TSHR: variants seen among roughly 807,000 people sequenced by gnomAD.
TSHR encodes thyrotropin receptor.
TSHR carries 51 observed loss-of-function variants against 64.1 expected under a neutral mutation model. The observed-to-expected ratio is 0.80, with a 90% CI of 0.64 to 1.01. The LOEUF is 1.01. Among genes scored for constraint, TSHR ranks in the 50% least tolerant of loss-of-function variants. The pLI, the probability that TSHR is intolerant of heterozygous loss-of-function variation, is 0.00. For synonymous variants in TSHR, 361 were observed against 361.9 expected, an observed-to-expected ratio of 1.00 and a Z score of 0.03; for missense variants, 877 against 942.8, an observed-to-expected ratio of 0.93 and a Z score of 0.91.
intron 1 of TSHR, among the ~76,000 whole-genome samples, chr14:80,965,095 A>G (rs1887231950): frequency 6.6e-6 from 1 of 152,202 alleles, no homozygotes; most frequent in Non-Finnish European, 1.5e-5. Context: ...CTTTGTATTT[A>G]TTGGGTAGCA....
At chr14:81,084,742 A>G (rs1356005302) in intron 3 of TSHR, among the ~76,000 whole-genome samples, 1 of 152,232 alleles carries the variant, frequency 6.6e-6, no homozygotes, top group East Asian at 1.9e-4. Flanking sequence ...TTCTGGCAGC[A>G]TAGCTAGCCT....
At chr14:81,053,569 G>T (rs1444876941) in intron 1 of TSHR, 3 of 152,186 alleles carry the variant, frequency 2.0e-5, no homozygotes, top group African/African-American at 7.2e-5. Flanking sequence ...ATAACACCAG[G>T]TGTTGGTGAG....
At chr14:81,064,010 G>C (rs1422998132) in intron 2 of TSHR, among the ~76,000 whole-genome samples, 1 of 152,086 alleles carries the variant, frequency 6.6e-6, no homozygotes, top group Non-Finnish European at 1.5e-5. Flanking sequence ...ATAAAACTTA[G>C]GTCTAAGTTA....
chr14:81,090,199 C>G, intron 4 of TSHR, among the ~76,000 whole-genome samples: 1 of 152,190 alleles, frequency 6.6e-6, no homozygotes, highest in East Asian at 1.9e-4. Context: ...ATGATATAAA[C>G]TACAGAAGGT....
intron 1 of TSHR, among the ~76,000 whole-genome samples, chr14:80,979,621 CATACCGT>C (rs927771061): frequency 5.9e-5 from 9 of 152,146 alleles, no homozygotes; most frequent in Non-Finnish European, 8.8e-5. Flanking sequence ...ATCAAAACAG[CATACCGT>C]ATTCCAAAAA....
intron 1 of TSHR, among the ~76,000 whole-genome samples, chr14:81,030,295 C>A (rs1030756405): frequency 1.6e-4 from 25 of 152,012 alleles, no homozygotes; most frequent in African/African-American, 6.0e-4. Context: ...TGTCTCTTGG[C>A]GAAAAGACCA....
chr14:81,134,760 A>G (rs547634012), intron 8 of TSHR, among the ~76,000 whole-genome samples: 1 of 152,328 alleles, frequency 6.6e-6, no homozygotes, highest in East Asian at 1.9e-4. Flanking sequence ...CAGAGACAAA[A>G]CAGATAAAAT....
intron 1 of TSHR, among the ~76,000 whole-genome samples, chr14:81,045,112 T>C (rs912560225): frequency 2.0e-5 from 3 of 151,838 alleles, no homozygotes; most frequent in East Asian, 1.9e-4. Flanking sequence ...ATGGATGGAG[T>C]TGGAAGATAC....
intron 1 of TSHR, among the ~76,000 whole-genome samples, chr14:81,039,261 CA>C (rs879259058): frequency 6.6e-6 from 1 of 151,510 alleles, no homozygotes; most frequent in South Asian, 2.1e-4. Context: ...AAAACTGATG[CA>C]AAAAAAGCAT....
At chr14:81,076,933 C>T (rs1011622095) in intron 3 of TSHR, among the ~76,000 whole-genome samples, 10 of 152,192 alleles carry the variant, frequency 6.6e-5, no homozygotes, top group African/African-American at 2.4e-4. Flanking sequence ...TGCTTCACTC[C>T]TGCACACCTG....
intron 1 of TSHR, among the ~76,000 whole-genome samples, chr14:81,029,664 C>A (rs1317252108): frequency 6.6e-6 from 1 of 151,982 alleles, no homozygotes; most frequent in Non-Finnish European, 1.5e-5. Context: ...TGAGTGTGTG[C>A]CATTCTGGGA....
chr14:81,081,649 C>T (rs1273433720), intron 3 of TSHR, among the ~76,000 whole-genome samples: 1 of 152,074 alleles, frequency 6.6e-6, no homozygotes, highest in Non-Finnish European at 1.5e-5. Flanking sequence ...TGATAGAACC[C>T]TGTCCTAAAA....
At chr14:80,988,333 C>T (rs1004170528) in intron 1 of TSHR, among the ~76,000 whole-genome samples, 3 of 152,140 alleles carry the variant, frequency 2.0e-5, no homozygotes, top group African/African-American at 4.8e-5. Flanking sequence ...CCTCAGGAAA[C>T]TTACAATTAT....
intron 1 of TSHR, chr14:80,958,128 A>G (rs1034433017): frequency 2.0e-5 from 3 of 152,016 alleles, no homozygotes; most frequent in African/African-American, 7.2e-5. Flanking sequence ...AGAAAAGCAT[A>G]TGAGAGAAGT....
At chr14:81,069,570 A>G (rs760016217) in intron 3 of TSHR, among the ~76,000 whole-genome samples, 4 of 152,232 alleles carry the variant, frequency 2.6e-5, no homozygotes, top group Non-Finnish European at 5.9e-5. Flanking sequence ...GCAAAAGCTT[A>G]AGGGCTAAGA....
chr14:81,004,347 C>A (rs950088154), intron 1 of TSHR, among the ~76,000 whole-genome samples: 21 of 152,170 alleles, frequency 1.4e-4, no homozygotes, highest in Admixed American at 9.2e-4. Flanking sequence ...GTTATCAAGA[C>A]AATACTGAAT....
At chr14:81,136,496 G>A (rs1004320586) in intron 8 of TSHR, among the ~76,000 whole-genome samples, 1 of 152,150 alleles carries the variant, frequency 6.6e-6, no homozygotes, top group East Asian at 1.9e-4. Context: ...TAGAGGAGGA[G>A]CAGGTTGAGC....
At chr14:81,140,811 C>A (rs1891651910) in intron 9 of TSHR, among the ~76,000 whole-genome samples, 1 of 152,182 alleles carries the variant, frequency 6.6e-6, no homozygotes, top group Admixed American at 6.5e-5. Context: ...GAAGCTAAAA[C>A]AGCCATACAA....
intron 3 of TSHR, among the ~76,000 whole-genome samples, chr14:81,080,552 T>G (rs1887828242): frequency 6.6e-6 from 1 of 151,870 alleles, no homozygotes; most frequent in Admixed American, 6.6e-5. Flanking sequence ...ATCTGAATAC[T>G]TATAAACTCT....
Sources: allele counts gnomAD v4.1 joint callset (sites outside exome capture counted in the v4.1 genomes callset), GRCh38; gene constraint gnomAD v4.1.1; transcripts MANE v1.5; gene names NCBI Gene and HGNC (gene_info 2026-07-23, HGNC 2026-07-21).